NEDD4: variants seen among roughly 807,000 people sequenced by gnomAD.
NEDD4 encodes NEDD4 E3 ubiquitin protein ligase, also known as E3 ubiquitin-protein ligase NEDD4.
In NEDD4, 99 loss-of-function variants were observed where a neutral mutation model predicts 144.9. The observed-to-expected ratio is 0.68, with a 90% confidence interval of 0.58 to 0.81. NEDD4 has a LOEUF of 0.81. Ranked by LOEUF, NEDD4 falls within the 30% of genes least tolerant of loss-of-function variation. The probability of loss-of-function intolerance (pLI) is 0.00; values close to 1 mark genes in which losing one functional copy is unlikely to be tolerated. For missense variants in NEDD4, 985 were observed against 1,065.9 expected (o/e 0.92, Z 1.06); for synonymous variants, 318 against 350.6 (o/e 0.91, Z 1.04).
intron 5 of NEDD4, among the ~76,000 whole-genome samples, chr15:55,895,319 T>G (rs1301867524): frequency 6.6e-6 from 1 of 152,172 alleles, no homozygotes; most frequent in African/African-American, 2.4e-5. Flanking sequence ...TCTCTGCAGT[T>G]TAAATGAGAA....
intron 26 of NEDD4, 43 bp from the exon 27 acceptor site, chr15:55,833,147 A>G (rs1200335659): frequency 5.7e-6 from 7 of 1,230,272 alleles, no homozygotes; most frequent in Non-Finnish European, 8.3e-6. Context: ...GCACTGGGAA[A>G]GAGGTAAACA....
intron 24 of NEDD4, among the ~76,000 whole-genome samples, chr15:55,835,342 A>G (rs964579996): frequency 6.6e-6 from 1 of 151,246 alleles, no homozygotes; most frequent in African/African-American, 2.4e-5. Flanking sequence ...CATCTTTTCT[A>G]TTGAAACTCT....
At chr15:55,862,451 T>C (rs1328674723) in intron 9 of NEDD4, among the ~76,000 whole-genome samples, 4 of 152,230 alleles carry the variant, frequency 2.6e-5, no homozygotes, top group Non-Finnish European at 5.9e-5. Flanking sequence ...CTGGAAGTTA[T>C]GTGGACATTG....
chr15:55,905,219 T>A (rs1352739888), intron 5 of NEDD4: 1 of 450,226 alleles, frequency 2.2e-6, no homozygotes, highest in Non-Finnish European at 4.4e-6. Context: ...TACCTGGAAT[T>A]CACTCAGTTG....
rs2034374730 is a variant in NEDD4, at chr15:55,860,790, G to A, written c.675-12C>T. On this transcript the variant is annotated splice_polypyrimidine_tract_variant and intron_variant, in intron 9 of 28. Coordinates refer to ENST00000435532, the MANE Select transcript of NEDD4 (RefSeq NM_006154.4). ...CTGTTAGGTTGTCCCTATATTGGAA[G>A]TATAAAAAGCCATCATCCATGTCTT... 6.2e-7 allele frequency: 1 copy of A among 1,608,770 alleles called. No individual in the cohort carries two copies. Among genetic ancestry groups the A allele is most frequent in the South Asian group, 1.1e-5 (1 of 90,616 alleles).
chr15:55,846,575 G>A (rs902733079), intron 18 of NEDD4, among the ~76,000 whole-genome samples: 2 of 152,214 alleles, frequency 1.3e-5, no homozygotes, highest in African/African-American at 4.8e-5. Context: ...ACTTTCGCTG[G>A]AAAACAACAA....
At chr15:55,861,339 T>C (rs1000106937) in intron 9 of NEDD4, among the ~76,000 whole-genome samples, 4 of 152,146 alleles carry the variant, frequency 2.6e-5, no homozygotes, top group Non-Finnish European at 5.9e-5. Context: ...TTTTTCGTAA[T>C]ATACAGTCAT....
intron 5 of NEDD4, among the ~76,000 whole-genome samples, chr15:55,884,301 C>G (rs1461880876): frequency 6.6e-6 from 1 of 152,136 alleles, no homozygotes; most frequent in African/African-American, 2.4e-5. Flanking sequence ...CTTTGAATAC[C>G]TGGAAAGCCT....
At chr15:55,977,351 G>A (rs1013077305) in intron 1 of NEDD4, among the ~76,000 whole-genome samples, 4 of 152,166 alleles carry the variant, frequency 2.6e-5, no homozygotes, top group African/African-American at 9.6e-5. Flanking sequence ...AGGAAGAATA[G>A]GCTATATCAC....
At chr15:55,873,754 C>T (rs2034891059) in intron 6 of NEDD4, among the ~76,000 whole-genome samples, 1 of 152,116 alleles carries the variant, frequency 6.6e-6, no homozygotes, top group Non-Finnish European at 1.5e-5. Context: ...TTCTCTATTT[C>T]TCACTGGGGT....
chr15:55,945,060 C>G (rs1314701306), intron 4 of NEDD4, among the ~76,000 whole-genome samples: 1 of 151,942 alleles, frequency 6.6e-6, no homozygotes, highest in East Asian at 1.9e-4. Flanking sequence ...GGGGAGAAAC[C>G]AGAGCAGAAA....
chr15:55,953,832 T>C (rs942933718), intron 2 of NEDD4, among the ~76,000 whole-genome samples: 2 of 152,222 alleles, frequency 1.3e-5, no homozygotes, highest in African/African-American at 2.4e-5. Flanking sequence ...GCAATTCTCC[T>C]GCCTCAGCCT....
rs556726808 is a variant in NEDD4 at position 55,894,197 on chromosome 15, C to A, written c.292-20189G>T. Among the ~76,000 whole-genome samples, 141 of 151,984 alleles carry A rather than the reference C, an allele frequency of 9.3e-4. 2 individuals carry two copies. The highest frequency in any genetic ancestry group is 3.2e-3 in the African/African-American group (134 of 41,468). ...AAACTGTATAGTCAGCTCTCTCTAT[C>A]GGTGGATTCAATCAATCCGGGATCA... On this transcript the variant is annotated intron_variant, in intron 5 of 28. Coordinates refer to ENST00000435532, the MANE Select transcript of NEDD4 (RefSeq NM_006154.4).
intron 8 of NEDD4, among the ~76,000 whole-genome samples, chr15:55,866,434 G>C (rs2034591366): frequency 6.6e-6 from 1 of 151,732 alleles, no homozygotes; most frequent in Non-Finnish European, 1.5e-5. Flanking sequence ...TATTGAATCA[G>C]ACTGTATGTT....
At chr15:55,957,615 T>C (rs1261807413) in intron 2 of NEDD4, among the ~76,000 whole-genome samples, 2 of 152,226 alleles carry the variant, frequency 1.3e-5, no homozygotes, top group Non-Finnish European at 2.9e-5. Context: ...AGCGATCCCA[T>C]TACTGGGTAT....
intron 4 of NEDD4, among the ~76,000 whole-genome samples, chr15:55,929,225 C>A (rs2036734313): frequency 6.6e-6 from 1 of 152,182 alleles, no homozygotes; most frequent in South Asian, 2.1e-4. Flanking sequence ...TACATGTACA[C>A]ACATGCACGA....
intron 5 of NEDD4, among the ~76,000 whole-genome samples, chr15:55,906,465 A>T (rs1351016841): frequency 6.6e-6 from 1 of 152,200 alleles, no homozygotes; most frequent in Non-Finnish European, 1.5e-5. Context: ...AAAAATGATG[A>T]GTTCATGTCC....
At chr15:55,943,619 G>A (rs1566962827) in intron 4 of NEDD4, among the ~76,000 whole-genome samples, 1 of 152,210 alleles carries the variant, frequency 6.6e-6, no homozygotes. Flanking sequence ...AGATTTCAGA[G>A]GATGTATGGA....
Position 55,863,003 on chromosome 15 carries a change from G to A in NEDD4, c.584C>T (p.Pro195Leu). 2 of 1,607,442 alleles carry A rather than the reference G, an allele frequency of 1.2e-6. No individual in the cohort carries two copies. The highest frequency in any genetic ancestry group is 2.2e-5 in the South Asian group (2 of 90,218). ...QQQQEPSPLPPGWEERQDILG... is the reference protein window; with the variant it reads ...QQQQEPSPLPLGWEERQDILG... ...GATATCCTGCCTCTCTTCCCACCCT[G>A]GAGGTAGAGGAGAAGGTTCTTGTTG... The change falls in exon 9 of 29, where the codon CCA (proline) becomes CTA (leucine). Residue 195 changes from proline (P) to leucine (L), a missense_variant. Transcript: ENST00000435532.
Sources: gnomAD v4.1 joint callset for allele counts (sites outside exome capture counted in the v4.1 genomes callset) on GRCh38, gnomAD v4.1.1 for gene constraint, MANE v1.5 for transcripts, NCBI Gene and HGNC (gene_info 2026-07-23, HGNC 2026-07-21) for gene names.